Variants in VWDE observed in about 807,000 individuals in gnomAD.
VWDE encodes von Willebrand factor D and EGF domains.
Under a neutral mutation model 178.4 loss-of-function variants are expected in VWDE, and 207 were observed. That is an observed-to-expected ratio of 1.16 (90% CI 1.04 to 1.30). VWDE has a LOEUF of 1.30. VWDE is among the 50% of genes most tolerant of loss of function. The probability of loss-of-function intolerance (pLI) is 0.00; values close to 1 mark genes in which losing one functional copy is unlikely to be tolerated. For synonymous variants in VWDE, 738 were observed against 651.4 expected (o/e 1.13, Z -2.02); for missense variants, 2,287 against 1,901.3 (o/e 1.20, Z -3.77).
intron 28 of VWDE, 25 bp downstream of exon 28, chr7:12,333,440 A>T: frequency 5.0e-6 from 7 of 1,409,284 alleles, no homozygotes; most frequent in Non-Finnish European, 6.8e-6. Flanking sequence ...TCTAATATTT[A>T]TTTTCTCTTT....
intron 3 of VWDE, 28 bp downstream of exon 3, chr7:12,389,099 G>C: frequency 7.2e-7 from 1 of 1,392,324 alleles, no homozygotes; most frequent in African/African-American, 1.4e-5. Context: ...ATGAATAACA[G>C]TCATGTGAAT....
rs1236559346 is a variant in VWDE at position 12,359,611 on chromosome 7, T to G, written c.3241A>C (p.Lys1081Gln). Residue 1081 changes from lysine to glutamine, a missense_variant, in exon 16 of 29, where the codon AAA (lysine) becomes CAA (glutamine). Coordinates refer to ENST00000275358, the MANE Select transcript of VWDE (RefSeq NM_001135924.3). ...AATGACCAAGTAAATCTTGAAATTT[T>G]GGGTCTACAAATCAAACAAGGGCTG... Reference protein sequence around the residue: ...PTSPCLICRPKISRFTWSFLE... With the variant: ...PTSPCLICRPQISRFTWSFLE... The G allele has an allele frequency of 6.5e-7, 1 of 1,550,334 alleles. No individual in the cohort carries two copies. Among genetic ancestry groups the G allele is most frequent in the South Asian group, 1.2e-5 (1 of 83,954 alleles).
At chr7:12,403,449 CAAAAG>C (rs1193581254) in intron 1 of VWDE, among the ~76,000 whole-genome samples, 1 of 152,206 alleles carries the variant, frequency 6.6e-6, no homozygotes, top group Non-Finnish European at 1.5e-5. Flanking sequence ...CGCATGTGCG[CAAAAG>C]AAAAGTGTAG....
At chr7:12,403,615 C>T (rs767543751) in intron 1 of VWDE, 44 bp downstream of exon 1, 1 of 1,521,406 alleles carries the variant, frequency 6.6e-7, no homozygotes. Flanking sequence ...ACCGCCCACG[C>T]GGCGCCACTG....
intron 3 of VWDE, among the ~76,000 whole-genome samples, chr7:12,384,111 T>C (rs1191109218): frequency 6.6e-6 from 1 of 152,164 alleles, no homozygotes; most frequent in African/African-American, 2.4e-5. Context: ...CATGATGTTC[T>C]TCAGTAGGTA....
intron 23 of VWDE, among the ~76,000 whole-genome samples, chr7:12,341,298 GA>G (rs898733456): frequency 1.3e-5 from 2 of 152,108 alleles, no homozygotes; most frequent in African/African-American, 4.8e-5. Flanking sequence ...AGATTATAAT[GA>G]ATTAGATCAA....
Position 12,389,204 on chromosome 7 carries a change from A to G in VWDE, c.398T>C (p.Val133Ala), listed in dbSNP as rs368320733. ...TKDCCLFQIP[V>A]SVRNCGNFSV... The stretch of plus-strand genomic sequence containing the variant: ...AAAGTTCCCACAGTTTCTTACAGAC[A>G]CTGGGATTTGAAAGAGACAGCAGTC... Residue 133 changes from valine to alanine, a missense_variant, in exon 3 of 29, where the codon GTG becomes GCG. Transcript: ENST00000275358. The G allele has an allele frequency of 5.2e-6, 8 of 1,551,732 alleles. No homozygotes were observed. The highest frequency in any genetic ancestry group is 2.0e-5 in the Admixed American group (1 of 50,978).
At chr7:12,345,106 C>T (rs573825449) in intron 19 of VWDE, among the ~76,000 whole-genome samples, 1 of 152,150 alleles carries the variant, frequency 6.6e-6, no homozygotes, top group African/African-American at 2.4e-5. Context: ...AATGTTTCCA[C>T]AGACCCTGGA....
chr7:12,368,294 T>C (rs1240821118), intron 12 of VWDE, among the ~76,000 whole-genome samples: 1 of 150,612 alleles, frequency 6.6e-6, no homozygotes, highest in Non-Finnish European at 1.5e-5. Flanking sequence ...TTCAGGAATA[T>C]AGAAAAAATT....
chr7:12,374,018 A>C lies in VWDE; in HGVS notation c.1316+671T>G, dbSNP rs1783365375. 3.9e-5 allele frequency among the ~76,000 whole-genome samples: 6 copies of C among 152,226 alleles called. No individual in the cohort carries two copies. In the South Asian group the frequency reaches 1.2e-3, roughly 32 times the overall value. On this transcript the variant is annotated intron_variant, in intron 9 of 28. Coordinates refer to ENST00000275358, the MANE Select transcript of VWDE (RefSeq NM_001135924.3). ...GACAATTATCATATTACAATTTTTT[A>C]AGCAAACCACAACCATTTGCATCAT...
At chr7:12,388,550 T>C (rs949374201) in intron 3 of VWDE, among the ~76,000 whole-genome samples, 3 of 152,214 alleles carry the variant, frequency 2.0e-5, no homozygotes, top group Non-Finnish European at 2.9e-5. Context: ...TTTAATTATC[T>C]ACTCATACAT....
chr7:12,367,308 C>A lies in VWDE; in HGVS notation c.2898+49G>T, dbSNP rs748035541. The A allele has an allele frequency of 2.0e-5, 27 of 1,378,686 alleles. 1 individual carries two copies. The South Asian group carries it at 3.3e-4, about 17-fold the overall frequency. The allele number at this position is 1,378,686 out of a possible 1,614,324, so 85.4% of individuals were successfully genotyped here. ...CGAATTAATCCAAGATAATATTAAT[C>A]TGAGTATCTCATACACTCTATTGTT... On this transcript the variant is annotated intron_variant, in intron 13 of 28. Transcript: ENST00000275358.
intron 4 of VWDE, 65 bp downstream of exon 4, chr7:12,383,471 T>C (rs1783953305): frequency 3.2e-6 from 4 of 1,244,832 alleles, no homozygotes; most frequent in African/African-American, 3.0e-5. Context: ...CTGCAGAATA[T>C]AATTATCTGT....
intron 7 of VWDE, among the ~76,000 whole-genome samples, chr7:12,376,684 T>C (rs1297398207): frequency 6.6e-6 from 1 of 152,096 alleles, no homozygotes; most frequent in Non-Finnish European, 1.5e-5. Flanking sequence ...AGTAGAATTG[T>C]GTCAAATAGT....
intron 1 of VWDE, among the ~76,000 whole-genome samples, chr7:12,401,505 G>T (rs1784891632): frequency 6.6e-6 from 1 of 152,106 alleles, no homozygotes; most frequent in South Asian, 2.1e-4. Flanking sequence ...GTATTTCTCT[G>T]AAGAGAATAA....
At chr7:12,392,775 T>A (rs1471118417) in intron 2 of VWDE, among the ~76,000 whole-genome samples, 7 of 131,356 alleles carry the variant, frequency 5.3e-5, no homozygotes, top group African/African-American at 1.5e-4. Context: ...TATCGTGTTG[T>A]AAAAAGAGTG....
chr7:12,358,534 G>A (rs1449932527), intron 16 of VWDE, among the ~76,000 whole-genome samples: 1 of 151,948 alleles, frequency 6.6e-6, no homozygotes, highest in Non-Finnish European at 1.5e-5. Flanking sequence ...CCATTACATT[G>A]TACTGAGCAC....
At chr7:12,356,034 C>T (rs1331443725) in intron 18 of VWDE, 77 bp downstream of exon 18, 2 of 1,137,490 alleles carry the variant, frequency 1.8e-6, no homozygotes, top group African/African-American at 1.6e-5. Context: ...TAGGACCACA[C>T]ATTTGCTTAA....
At chr7:12,351,750 A>G in intron 18 of VWDE, 37 bp from the exon 19 acceptor site, 3 of 1,494,908 alleles carry the variant, frequency 2.0e-6, no homozygotes, top group Non-Finnish European at 2.7e-6. Context: ...TTAGACTTAA[A>G]CTATTAGACA....
Sources: allele counts gnomAD v4.1 joint callset (sites outside exome capture counted in the v4.1 genomes callset), GRCh38; gene constraint gnomAD v4.1.1; transcripts MANE v1.5; gene names NCBI Gene and HGNC (gene_info 2026-07-23, HGNC 2026-07-21).